ASIC2: variants seen among roughly 807,000 people sequenced by gnomAD.
ASIC2 encodes acid-sensing ion channel 2.
A neutral mutation model predicts 57.3 loss-of-function variants in ASIC2; 25 were observed. The ratio of observed to expected loss-of-function variants is 0.44; its 90% CI spans 0.32 to 0.61. ASIC2 has a LOEUF of 0.61. ASIC2 is among the 20% of genes least tolerant of loss of function. ASIC2 has a pLI of 0.06. For synonymous variants in ASIC2, 319 were observed against 307.5 expected (o/e 1.04, Z -0.39); for missense variants, 641 against 738.1 (o/e 0.87, Z 1.52).
At chr17:33,572,682 C>A (rs564461364) in intron 1 of ASIC2, among the ~76,000 whole-genome samples, 54 of 152,310 alleles carry the variant, frequency 3.5e-4, no homozygotes, top group Admixed American at 9.8e-4. Flanking sequence ...CAGGCCCAGC[C>A]GCTTACCTGA....
At chr17:33,913,528 T>C (rs1481603431) in intron 1 of ASIC2, among the ~76,000 whole-genome samples, 1 of 152,208 alleles carries the variant, frequency 6.6e-6, no homozygotes, top group Non-Finnish European at 1.5e-5. Flanking sequence ...TTCTGAATCA[T>C]TTTCTATGAT....
At chr17:33,015,899 C>T (rs1033318302) in intron 9 of ASIC2, 72 bp downstream of exon 9, 6 of 1,539,454 alleles carry the variant, frequency 3.9e-6, no homozygotes, top group Non-Finnish European at 5.4e-6. Context: ...TGCCCGGCCC[C>T]AGCATCTGGT....
intron 1 of ASIC2, among the ~76,000 whole-genome samples, chr17:33,198,336 T>A (rs1361586053): frequency 6.6e-6 from 1 of 152,326 alleles, no homozygotes; most frequent in South Asian, 2.1e-4. Context: ...TGGGTGACAA[T>A]GTGAGACCCT....
intron 1 of ASIC2, among the ~76,000 whole-genome samples, chr17:33,148,927 C>G (rs1327561366): frequency 6.6e-6 from 1 of 152,076 alleles, no homozygotes; most frequent in Non-Finnish European, 1.5e-5. Context: ...AACCCCATCT[C>G]TACTAAAAAT....
At chr17:34,132,377 C>T (rs563302609) in intron 1 of ASIC2, among the ~76,000 whole-genome samples, 10 of 152,112 alleles carry the variant, frequency 6.6e-5, no homozygotes, top group Non-Finnish European at 1.3e-4. Flanking sequence ...GACAGGTAGA[C>T]GGGTTGCGGC....
At chr17:33,375,527 C>T (rs1039018694) in intron 1 of ASIC2, among the ~76,000 whole-genome samples, 2 of 152,136 alleles carry the variant, frequency 1.3e-5, no homozygotes, top group Non-Finnish European at 2.9e-5. Context: ...TGAGCAGATA[C>T]GTGCCAGGGT....
chr17:33,702,302 G>A (rs991148541), intron 1 of ASIC2, among the ~76,000 whole-genome samples: 1 of 151,808 alleles, frequency 6.6e-6, no homozygotes, highest in Non-Finnish European at 1.5e-5. Context: ...TCCTTCCTGG[G>A]GTTAGAGGGG....
intron 1 of ASIC2, among the ~76,000 whole-genome samples, chr17:33,246,942 GT>G (rs1377296140): frequency 6.6e-6 from 1 of 152,160 alleles, no homozygotes; most frequent in Non-Finnish European, 1.5e-5. Flanking sequence ...GACCTAGGAG[GT>G]TTTTAAGAGC....
In ASIC2 at chr17:33,292,867, C is replaced by T. The variant is rs1905557535; in HGVS notation, c.-752G>A. 1 of 985,532 alleles carries T rather than the reference C, an allele frequency of 1.0e-6. No individual in the cohort carries two copies. Among genetic ancestry groups the T allele is most frequent in the Non-Finnish European group, 1.2e-6 (1 of 830,004 alleles). The allele number at this position is 985,532 out of a possible 1,614,324, so 61.0% of individuals were successfully genotyped here. A position where few individuals can be genotyped will look rare whatever the true frequency, so the allele number is the denominator to read the frequency against. On this transcript the variant is annotated 5_prime_UTR_variant, in exon 1 of 10. Transcript: ENST00000225823. ...TCCTGCGCCTAAGTCCTGCCAGGCG[C>T]CCGCTCTCGCCTGGGGCTGAGAGCT...
At chr17:33,759,546 A>G (rs1318690017) in intron 1 of ASIC2, among the ~76,000 whole-genome samples, 4 of 152,158 alleles carry the variant, frequency 2.6e-5, no homozygotes, top group Admixed American at 1.3e-4. Flanking sequence ...CCTCAAGACA[A>G]TGGAAGAAAG....
chr17:34,084,060 C>T (rs1426290037), intron 1 of ASIC2, among the ~76,000 whole-genome samples: 3 of 151,812 alleles, frequency 2.0e-5, no homozygotes, highest in Admixed American at 6.6e-5. Flanking sequence ...GCTTTTGTTG[C>T]CATTGCTTTT....
chr17:34,156,740 T>C lies in ASIC2; in HGVS notation c.-208A>G. 1.8e-6 allele frequency: 1 copy of C among 561,082 alleles called. No individual in the cohort carries two copies. The highest frequency in any genetic ancestry group is 3.1e-6 in the Non-Finnish European group (1 of 324,610). The allele number at this position is 561,082 out of a possible 1,614,324, so 34.8% of individuals were successfully genotyped here. On this transcript the variant is annotated 5_prime_UTR_variant, in exon 1 of 10. Coordinates refer to the ASIC2 transcript ENST00000359872. This position sits in a 1 kb window ranked among gnomAD's most constrained non-coding sequence, Gnocchi z 4.4. ...ATAAAACCCATTCAAACTCTAGCTC[T>C]TGATTTTTTCCAGGCGATAAGGAGG...
chr17:33,879,558 T>A (rs1454926687), intron 1 of ASIC2, among the ~76,000 whole-genome samples: 2 of 152,258 alleles, frequency 1.3e-5, no homozygotes, highest in Non-Finnish European at 2.9e-5. Flanking sequence ...GAGCTAACTA[T>A]CCTAAATATA....
At chr17:33,037,130 CAAAAA>C (rs35845015) in intron 3 of ASIC2, among the ~76,000 whole-genome samples, 10 of 125,610 alleles carry the variant, frequency 8.0e-5, no homozygotes, top group Non-Finnish European at 4.9e-5. Flanking sequence ...GGTGTGGTAG[CAAAAA>C]AAAAAAAAAA....
At chr17:33,317,732 G>T (rs2142212061) in intron 1 of ASIC2, among the ~76,000 whole-genome samples, 1 of 152,208 alleles carries the variant, frequency 6.6e-6, no homozygotes, top group South Asian at 2.1e-4. Flanking sequence ...AGTAAGACAA[G>T]AATCCCATAA....
intron 1 of ASIC2, among the ~76,000 whole-genome samples, chr17:33,772,037 A>G (rs1017779705): frequency 2.6e-5 from 4 of 152,162 alleles, no homozygotes; most frequent in Non-Finnish European, 4.4e-5. Flanking sequence ...CTTCCTGCCT[A>G]TCAGTCCCAT....
chr17:33,662,494 G>C (rs940688854), intron 1 of ASIC2, among the ~76,000 whole-genome samples: 2 of 151,146 alleles, frequency 1.3e-5, no homozygotes, highest in African/African-American at 4.9e-5. Context: ...GGTGGGGGGG[G>C]CACCTGTAAT....
intron 1 of ASIC2, among the ~76,000 whole-genome samples, chr17:33,829,435 T>C (rs1913036642): frequency 6.6e-6 from 1 of 152,184 alleles, no homozygotes; most frequent in South Asian, 2.1e-4. Context: ...ACAGCTGATA[T>C]TGTTGTGGAT....
chr17:33,611,776 A>G (rs1398076295), intron 1 of ASIC2, among the ~76,000 whole-genome samples: 1 of 152,248 alleles, frequency 6.6e-6, no homozygotes, highest in African/African-American at 2.4e-5. Context: ...GGAGAGTCAC[A>G]TGACCAAGGC....
Sources: gnomAD v4.1 joint callset for allele counts (sites outside exome capture counted in the v4.1 genomes callset) on GRCh38, gnomAD v4.1.1 for gene constraint, Gnocchi (gnomAD v3.1) non-coding constraint, MANE v1.5 for transcripts, NCBI Gene and HGNC (gene_info 2026-07-23, HGNC 2026-07-21) for gene names.